The following SND1 variants were observed in gnomAD, a reference collection of about 807,000 sequenced individuals.
SND1 encodes the protein staphylococcal nuclease domain-containing protein 1.
A neutral mutation model predicts 121.7 loss-of-function variants in SND1; 38 were observed. The observed-to-expected ratio is 0.31, with a 90% CI of 0.24 to 0.41. SND1 has a LOEUF of 0.41. SND1 is among the 10% of genes least tolerant of loss of function. SND1 has a pLI of 1.00. For missense variants in SND1, 868 were observed against 1,184.6 expected (o/e 0.73, Z 3.92); for synonymous variants, 401 against 447.4 (o/e 0.90, Z 1.31).
intron 12 of SND1, among the ~76,000 whole-genome samples, chr7:127,878,237 A>G (rs1321735612): frequency 1.3e-5 from 2 of 152,224 alleles, no homozygotes; most frequent in Non-Finnish European, 2.9e-5. Context: ...TCCAGTATCT[A>G]GAAAATGCTC....
At chr7:128,068,008 C>T (rs902002659) in intron 16 of SND1, among the ~76,000 whole-genome samples, 26 of 152,128 alleles carry the variant, frequency 1.7e-4, no homozygotes, top group African/African-American at 4.8e-4. Flanking sequence ...CACCTTCTCC[C>T]GCCTCACCCT....
At chr7:128,074,053 T>C (rs1472432373) in intron 16 of SND1, among the ~76,000 whole-genome samples, 1 of 152,166 alleles carries the variant, frequency 6.6e-6, no homozygotes, top group Non-Finnish European at 1.5e-5. Flanking sequence ...TTACCTTCAT[T>C]AGACACGAAT....
chr7:127,929,793 C>A (rs1485640599), intron 15 of SND1, among the ~76,000 whole-genome samples: 1 of 152,170 alleles, frequency 6.6e-6, no homozygotes, highest in South Asian at 2.1e-4. Flanking sequence ...ATTAAGATCC[C>A]AGTCCTTTAT....
chr7:127,679,767 A>G (rs1172502057), intron 1 of SND1, among the ~76,000 whole-genome samples: 1 of 152,190 alleles, frequency 6.6e-6, no homozygotes, highest in African/African-American at 2.4e-5. Flanking sequence ...TCAGTACGCA[A>G]TCTCTTTTTA....
At chr7:127,697,907 T>C (rs555493949) in intron 3 of SND1, among the ~76,000 whole-genome samples, 6 of 152,196 alleles carry the variant, frequency 3.9e-5, no homozygotes, top group Non-Finnish European at 7.3e-5. Flanking sequence ...TTTCAGATTA[T>C]CTTGGAGCTT....
intron 1 of SND1, among the ~76,000 whole-genome samples, chr7:127,682,266 G>A (rs1415598839): frequency 3.3e-5 from 5 of 152,120 alleles, no homozygotes; most frequent in African/African-American, 1.2e-4. Flanking sequence ...CCATAAGTGG[G>A]TTTGAACAAT....
chr7:127,731,553 G>T (rs1430335152), intron 10 of SND1, among the ~76,000 whole-genome samples: 1 of 152,022 alleles, frequency 6.6e-6, no homozygotes, highest in Non-Finnish European at 1.5e-5. Flanking sequence ...CTCTCCTAAA[G>T]CTTTTTGGCT....
chr7:127,697,492 G>A (rs1044925886), intron 3 of SND1, among the ~76,000 whole-genome samples: 1 of 152,094 alleles, frequency 6.6e-6, no homozygotes, highest in Non-Finnish European at 1.5e-5. Context: ...CAGATCTCCT[G>A]GCACTTCACT....
chr7:128,026,653 C>T (rs1488744153), intron 16 of SND1, among the ~76,000 whole-genome samples: 1 of 152,206 alleles, frequency 6.6e-6, no homozygotes, highest in Non-Finnish European at 1.5e-5. Context: ...AGCCAAACTA[C>T]ATTATTGCAG....
chr7:127,887,696 A>G (rs1264745827), intron 12 of SND1, among the ~76,000 whole-genome samples: 1 of 151,444 alleles, frequency 6.6e-6, no homozygotes, highest in Admixed American at 6.6e-5. Context: ...TGACTGTACT[A>G]ACCAGAAAAA....
At chr7:127,674,882 T>C (rs975346272) in intron 1 of SND1, among the ~76,000 whole-genome samples, 3 of 151,032 alleles carry the variant, frequency 2.0e-5, no homozygotes, top group Non-Finnish European at 4.4e-5. Flanking sequence ...CCAGTTTTTC[T>C]GTGATGTATT....
intron 17 of SND1, among the ~76,000 whole-genome samples, chr7:128,079,313 T>C (rs888599052): frequency 2.0e-5 from 3 of 152,208 alleles, no homozygotes; most frequent in Non-Finnish European, 4.4e-5. Context: ...AGGAAGGCCC[T>C]TGAGGGATTA....
At chr7:128,036,493 C>G (rs1792753310) in intron 16 of SND1, among the ~76,000 whole-genome samples, 1 of 152,194 alleles carries the variant, frequency 6.6e-6, no homozygotes, top group Non-Finnish European at 1.5e-5. Flanking sequence ...AAGGACTCAG[C>G]TCTTTAAGGA....
chr7:127,807,438 A>G, intron 10 of SND1, 46 bp from the exon 11 acceptor site: 3 of 1,461,086 alleles, frequency 2.1e-6, no homozygotes, highest in Non-Finnish European at 2.9e-6. Flanking sequence ...GTACATGTTC[A>G]TTTGATATTG....
intron 16 of SND1, among the ~76,000 whole-genome samples, chr7:128,011,452 C>T (rs1183722468): frequency 6.6e-6 from 1 of 152,188 alleles, no homozygotes; most frequent in Non-Finnish European, 1.5e-5. Flanking sequence ...CTTTTGTTTT[C>T]CTTCTCTTCA....
chr7:127,918,394 T>G (rs138512679), intron 14 of SND1, among the ~76,000 whole-genome samples: 1 of 152,154 alleles, frequency 6.6e-6, no homozygotes, highest in African/African-American at 2.4e-5. Context: ...AACAAAACCT[T>G]AGGCATATTT....
At chr7:127,718,913 G>A (rs1413605400) in intron 9 of SND1, among the ~76,000 whole-genome samples, 1 of 152,180 alleles carries the variant, frequency 6.6e-6, no homozygotes, top group Non-Finnish European at 1.5e-5. Flanking sequence ...GAGAGAAGGT[G>A]TAGATCTGTC....
At chr7:127,728,017 G>T (rs765519646) in intron 10 of SND1, among the ~76,000 whole-genome samples, 2 of 152,130 alleles carry the variant, frequency 1.3e-5, no homozygotes, top group Non-Finnish European at 2.9e-5. Flanking sequence ...CTTCTGATGA[G>T]GTCAAGACAT....
intron 1 of SND1, among the ~76,000 whole-genome samples, chr7:127,654,766 T>C (rs1209791154): frequency 6.6e-6 from 1 of 152,128 alleles, no homozygotes; most frequent in African/African-American, 2.4e-5. Flanking sequence ...CTACAGGGGT[T>C]GGGTGAGTTA....
Sources: gnomAD v4.1 joint callset for allele counts (sites outside exome capture counted in the v4.1 genomes callset) on GRCh38, gnomAD v4.1.1 for gene constraint, MANE v1.5 for transcripts, NCBI Gene and HGNC (gene_info 2026-07-23, HGNC 2026-07-21) for gene names.